Variants in KDM6B observed in about 807,000 individuals in gnomAD.
The protein encoded by KDM6B is lysine demethylase 6B, also known as lysine-specific demethylase 6B.
In KDM6B, 22 loss-of-function variants were observed where a neutral mutation model predicts 150.4. The observed-to-expected ratio is 0.15, with a 90% CI of 0.10 to 0.21. The LOEUF (loss-of-function observed/expected upper bound fraction) is 0.21. Ranked by LOEUF, KDM6B falls within the 10% of genes least tolerant of loss-of-function variation. The pLI is 1.00. For missense variants in KDM6B, 1,984 were observed against 2,234.3 expected, an observed-to-expected ratio of 0.89 and a Z score of 2.26; for synonymous variants, 1,148 against 921.1, an observed-to-expected ratio of 1.25 and a Z score of -4.46.
rs979106260 is a variant in KDM6B at position 7,843,796 on chromosome 17, C to T, written c.-268-1105C>T. Among the ~76,000 whole-genome samples the T allele has an allele frequency of 8.5e-5, 13 of 152,178 alleles. No individual in the cohort carries two copies. The highest frequency in any genetic ancestry group is 2.4e-4 in the African/African-American group (10 of 41,534). ...GTCGGCTCCCTACCTGCGGGGACGC[C>T]GGGTAGGCAAGGAGGAGGCGCGGGG... On this transcript the variant is annotated intron_variant, in intron 2 of 23. Transcript: ENST00000448097. This position sits in a 1 kb window ranked among gnomAD's most constrained non-coding sequence, Gnocchi z 4.5.
Position 7,852,084 on chromosome 17 carries a change from A to C in KDM6B, c.4280+19A>C. The stretch of plus-strand genomic sequence containing the variant: ...GTGATCGGTGCGTGCCGTCCTGCGC[A>C]AGTCAGACTGCCGCGTCCCCGCCCT... On this transcript the variant is annotated intron_variant, in intron 19 of 23. Transcript: ENST00000448097. The C allele has an allele frequency of 6.2e-7, 1 of 1,613,708 alleles. No individual in the cohort carries two copies. The highest frequency in any genetic ancestry group is 8.5e-7 in the Non-Finnish European group (1 of 1,179,790).
intron 13 of KDM6B, 24 bp from the exon 14 acceptor site, chr17:7,850,048 C>T (rs1315047716): frequency 1.2e-6 from 2 of 1,613,490 alleles, no homozygotes; most frequent in Non-Finnish European, 8.5e-7. Flanking sequence ...GGCTCTGACC[C>T]CAGCTCTCCT....
Position 7,850,977 on chromosome 17 carries a change from T to TGCTCTG in KDM6B, c.3674-44_3674-43insGCTCTG, listed in dbSNP as rs2078680587. 2.0e-6 allele frequency: 3 copies of TGCTCTG among 1,529,040 alleles called. No homozygotes were observed. In the African/African-American group the frequency reaches 4.1e-5, roughly 21 times the overall value. 94.7% of individuals were successfully genotyped at this position (1,529,040 alleles called of 1,614,324 possible). ...GGGTCGATTGGGTCCTCGGTCCCTATCCTCTGCCTCTGCCCCGACACCCTG... is the reference window on the plus strand; with the variant it reads ...GGGTCGATTGGGTCCTCGGTCCCTATGCTCTGCCTCTGCCTCTGCCCCGACACCCTG... On this transcript the variant is annotated intron_variant, in intron 14 of 23. Transcript: ENST00000448097.
In KDM6B at chr17:7,845,706, C is replaced by T. The variant is rs754013531; in HGVS notation, c.137+15C>T. ...CCTGGAGGCAGGTGAGAAGTTGGGG[C>T]CCTCTGTCTCCAGGCACACCTCTTT... On this transcript the variant is annotated intron_variant, in intron 5 of 23. Coordinates refer to ENST00000448097, the MANE Select transcript of KDM6B (RefSeq NM_001348716.2). 12 of 1,613,972 alleles carry T rather than the reference C, an allele frequency of 7.4e-6. No individual in the cohort carries two copies. Among genetic ancestry groups the T allele is most frequent in the South Asian group, 2.2e-5 (2 of 91,092 alleles).
chr17:7,844,671 C>T lies in KDM6B; in HGVS notation c.-268-230C>T, dbSNP rs549682806. Among the ~76,000 whole-genome samples the T allele has an allele frequency of 1.7e-4, 26 of 152,324 alleles. No individual in the cohort carries two copies. The highest frequency in any genetic ancestry group is 6.2e-4 in the South Asian group (3 of 4,830). On this transcript the variant is annotated intron_variant, in intron 2 of 23. Coordinates refer to ENST00000448097, the MANE Select transcript of KDM6B (RefSeq NM_001348716.2). This position sits in a 1 kb window ranked among gnomAD's most constrained non-coding sequence, Gnocchi z 5.9. ...CTTGAGGCTTGCGGGTAGCGCCGGC[C>T]CCCACGCCGGCCGGAGCATGCGACT...
Position 7,849,294 on chromosome 17 carries a change from G to A in KDM6B, c.3006G>A (p.Arg1002=). The change falls in exon 12 of 24, where the codon AGG becomes AGA. Residue 1002 remains arginine (R), a synonymous_variant. Transcript: ENST00000448097. The part of the protein sequence containing the change: ...DSVGRRPREG[R]AKAKAKVPKE... ...TGGGTCGTCGGCCCCGTGAGGGCAG[G>A]GCAAAGGCCAAGGCCAAGGTCCCCA... 1 of 1,556,818 alleles carries A rather than the reference G, an allele frequency of 6.4e-7. No homozygotes were observed. Among genetic ancestry groups the A allele is most frequent in the African/African-American group, 1.4e-5 (1 of 73,400 alleles).
chr17:7,846,279 C>T lies in KDM6B; in HGVS notation c.438C>T (p.Arg146=), dbSNP rs1175854242. ...GAAGCTTCGCTGAGCTGGGGCCCCG[C>T]ATTGGCCGACTGCAGCAGGTAGGAG... ...YGGSFAELGP[R]IGRLQQAQLW... is the part of the protein sequence containing the mutation. The change falls in exon 7 of 24, where the codon CGC becomes CGT. Residue 146 remains arginine, a synonymous_variant. Transcript: ENST00000448097. 1 of 1,613,362 alleles carries T rather than the reference C, an allele frequency of 6.2e-7. No individual in the cohort carries two copies. Among genetic ancestry groups the T allele is most frequent in the Non-Finnish European group, 8.5e-7 (1 of 1,179,698 alleles).
Position 7,845,572 on chromosome 17 carries a change from C to T in KDM6B, c.18C>T (p.Asp6=), listed in dbSNP as rs777910831. 6.8e-6 allele frequency: 11 copies of T among 1,614,154 alleles called. No homozygotes were observed. The East Asian group carries it at 1.6e-4, about 23-fold the overall frequency. Residue 6 remains aspartate, a synonymous_variant, in exon 5 of 24, where the codon GAC becomes GAT. Coordinates refer to ENST00000448097, the MANE Select transcript of KDM6B (RefSeq NM_001348716.2). The part of the protein sequence containing the change: MHRAV[D]PPGARAAREA... ...CAGGCTGGATGCATCGGGCAGTGGA[C>T]CCTCCAGGGGCCCGCGCTGCACGGG...
intron 1 of KDM6B, among the ~76,000 whole-genome samples, chr17:7,834,785 C>T (rs999460174): frequency 6.6e-6 from 1 of 152,154 alleles, no homozygotes; most frequent in Admixed American, 6.5e-5. Context: ...CCCTCCAGTT[C>T]TCTGCACGGG....
At chr17:7,842,330 G>A (rs945623437) in intron 2 of KDM6B, among the ~76,000 whole-genome samples, 4 of 152,218 alleles carry the variant, frequency 2.6e-5, no homozygotes, top group Non-Finnish European at 5.9e-5. Context: ...GCCTCGGCGG[G>A]AGCGGAATTA....
chr17:7,846,762 C>G (rs2078548761), intron 9 of KDM6B, 22 bp downstream of exon 9: 1 of 1,613,978 alleles, frequency 6.2e-7, no homozygotes, highest in Non-Finnish European at 8.5e-7. Flanking sequence ...GGGGGGCCAG[C>G]AGGCAGTAAG....
At chr17:7,846,777 C>T (rs1385968320) in intron 9 of KDM6B, 37 bp downstream of exon 9, 2 of 1,613,782 alleles carry the variant, frequency 1.2e-6, no homozygotes, top group Non-Finnish European at 1.7e-6. Flanking sequence ...AGTAAGTAGG[C>T]AGGACTTGGG....
chr17:7,848,503 G>A lies in KDM6B; in HGVS notation c.2215G>A (p.Asp739Asn), dbSNP rs375499915. ...FASLQSPFPTDTAPTTTAPAV... is the reference protein window; with the variant it reads ...FASLQSPFPTNTAPTTTAPAV... ...ATCTCTGCAGTCTCCTTTCCCCACC[G>A]ACACAGCCCCCACCACTACTGCTCC... is the stretch of plus-strand genomic sequence containing the variant. Residue 739 changes from aspartate (D) to asparagine (N), a missense_variant, in exon 12 of 24, where the codon GAC becomes AAC. By Grantham distance (23) the Asp-to-Asn change is conservative. Transcript: ENST00000448097. The A allele has an allele frequency of 1.3e-6, 2 of 1,598,718 alleles. No homozygotes were observed. Among genetic ancestry groups the A allele is most frequent in the Non-Finnish European group, 8.5e-7 (1 of 1,176,460 alleles).
In KDM6B at chr17:7,849,841, A is replaced by G; in HGVS notation, c.3461A>G (p.Lys1154Arg). The G allele has an allele frequency of 2.5e-6, 4 of 1,613,156 alleles. No individual in the cohort carries two copies. The highest frequency in any genetic ancestry group is 3.4e-6 in the Non-Finnish European group (4 of 1,180,010). Reference sequence around the variant, plus strand: ...CGCAGGAATGCCAAGGTGAAAGGGAAGTTTCGAGAGTCCTACCTTTCCCCT... The same window carrying G: ...CGCAGGAATGCCAAGGTGAAAGGGAGGTTTCGAGAGTCCTACCTTTCCCCT... ...RASRNAKVKG[K>R]FRESYLSPAQ... The change falls in exon 13 of 24, where the codon AAG becomes AGG. Residue 1154 changes from lysine (K) to arginine (R), a missense_variant. By Grantham distance (26) the Lys-to-Arg change is conservative (BLOSUM62 2). Around this residue, in one of 13 missense-constraint regions of KDM6B, gnomAD observed 1,379 missense variants for 1,275.6 expected, o/e 1.08. Coordinates refer to ENST00000448097, the MANE Select transcript of KDM6B (RefSeq NM_001348716.2).
At position 7,851,806 on chromosome 17, in the gene KDM6B, A is replaced by C; in HGVS notation, c.4165+10A>C. ...GGCAGCCGAACGCCAGGTGCGCTCC[A>C]CGCCTGTGCGCGCTGATGCTGGAAG... On this transcript the variant is annotated intron_variant, in intron 18 of 23. Coordinates refer to ENST00000448097, the MANE Select transcript of KDM6B (RefSeq NM_001348716.2). 1 of 1,555,870 alleles carries C rather than the reference A, an allele frequency of 6.4e-7. No homozygotes were observed. Among genetic ancestry groups the C allele is most frequent in the African/African-American group, 1.4e-5 (1 of 73,358 alleles).
rs145963593 is a variant in KDM6B, at chr17:7,848,632, G to T, written c.2344G>T (p.Ala782Ser). The change falls in exon 12 of 24, where the codon GCC becomes TCC. Residue 782 changes from alanine (A) to serine (S), a missense_variant. Physicochemically the swap from Ala to Ser is moderately conservative, Grantham distance 99. Transcript: ENST00000448097. ...AGCCCTACCACCACCACCGCCTCTA[G>T]CCAAGTTCCCTCCACCCTCTCAGCC... The part of the protein sequence containing the change: ...PPALPPPPPL[A>S]KFPPPSQPQP... 4.6e-5 allele frequency: 74 copies of T among 1,598,466 alleles called. No homozygotes were observed. The African/African-American group carries it at 8.9e-4, about 19-fold the overall frequency.
At chr17:7,852,420 A>C in intron 20 of KDM6B, 75 bp from the exon 21 acceptor site, 3 of 1,289,392 alleles carry the variant, frequency 2.3e-6, no homozygotes, top group East Asian at 2.6e-5. Flanking sequence ...AGCCGCCAGC[A>C]GTGAGGGAAG....
chr17:7,844,993 G>GAA lies in KDM6B; in HGVS notation c.-176_-175insAA. 5.7e-6 allele frequency: 1 copy of GAA among 175,702 alleles called. No homozygotes were observed. The highest frequency in any genetic ancestry group is 1.1e-4 in the South Asian group (1 of 9,038). The allele number at this position is 175,702 out of a possible 1,614,324, so 10.9% of individuals were successfully genotyped here. ...CCAGATCTCTGGAGCTTGCCGACGC[G>GAA]GTGTGAGGACGCTCCCACGGAGGCC... On this transcript the variant is annotated 5_prime_UTR_variant, in exon 3 of 24. Transcript: ENST00000448097. This position sits in a 1 kb window ranked among gnomAD's most constrained non-coding sequence, Gnocchi z 5.9.
rs542259827 is a variant in KDM6B, at chr17:7,849,191, T to G, written c.2903T>G (p.Val968Gly). Residue 968 changes from valine to glycine, a missense_variant, in exon 12 of 24, where the codon GTG (valine) becomes GGG (glycine). Physicochemically the swap from Val to Gly is moderately radical, Grantham distance 109 (BLOSUM62 -3). Transcript: ENST00000448097. Reference protein sequence around the residue: ...AKEEAGGVAAVSGSCKRRQKE... With the variant: ...AKEEAGGVAAGSGSCKRRQKE... ...GAGGAGGCTGGCGGGGTGGCGGCAG[T>G]GTCAGGCAGCTGTAAGCGGCGACAG... 2.4e-4 allele frequency: 386 copies of G among 1,606,350 alleles called. 6 individuals are homozygous for G. The South Asian group carries it at 3.7e-3, about 16-fold the overall frequency.
Sources: allele counts gnomAD v4.1 joint callset (sites outside exome capture counted in the v4.1 genomes callset), GRCh38; gene constraint gnomAD v4.1.1; regional missense constraint gnomAD v4.1.1; non-coding constraint Gnocchi (gnomAD v3.1); transcripts MANE v1.5; gene names NCBI Gene and HGNC (gene_info 2026-07-23, HGNC 2026-07-21).